The following GRIN2B variants were observed in gnomAD, a reference collection of about 807,000 sequenced individuals.
GRIN2B encodes the protein glutamate ionotropic receptor NMDA type subunit 2B, also known as glutamate receptor ionotropic, NMDA 2B.
GRIN2B carries 5 observed loss-of-function variants against 114.5 expected under a neutral mutation model. The observed-to-expected ratio is 0.04, with a 90% CI of 0.02 to 0.09. GRIN2B has a LOEUF of 0.09. GRIN2B is among the 10% of genes least tolerant of loss of function. The pLI, the probability that GRIN2B is intolerant of heterozygous loss-of-function variation, is 1.00. For missense variants in GRIN2B, 1,108 were observed against 1,943.5 expected (o/e 0.57, Z 8.08); for synonymous variants, 787 against 745.1 (o/e 1.06, Z -0.92).
intron 2 of GRIN2B, among the ~76,000 whole-genome samples, chr12:13,949,716 G>A (rs573033796): frequency 6.6e-6 from 1 of 152,266 alleles, no homozygotes; most frequent in Non-Finnish European, 1.5e-5. Flanking sequence ...AAACCACGAT[G>A]CCAAGAAGTT....
intron 2 of GRIN2B, among the ~76,000 whole-genome samples, chr12:13,941,851 G>A (rs541698509): frequency 2.6e-5 from 4 of 152,338 alleles, no homozygotes; most frequent in African/African-American, 9.6e-5. Flanking sequence ...GAATGAAAAT[G>A]AGGCCCAACT....
chr12:13,809,944 A>G (rs560734158), intron 3 of GRIN2B, among the ~76,000 whole-genome samples: 12 of 152,180 alleles, frequency 7.9e-5, no homozygotes, highest in African/African-American at 2.4e-4. Context: ...CTCTCTCCCC[A>G]GTCTTTCTGC....
chr12:13,960,780 C>T (rs189103245), intron 2 of GRIN2B, among the ~76,000 whole-genome samples: 11 of 152,182 alleles, frequency 7.2e-5, no homozygotes, highest in Non-Finnish European at 1.0e-4. Context: ...AATGAAGAGA[C>T]GGATTGGGTC....
intron 5 of GRIN2B, among the ~76,000 whole-genome samples, chr12:13,669,117 T>C (rs765561049): frequency 2.0e-5 from 3 of 151,992 alleles, no homozygotes; most frequent in Admixed American, 6.6e-5. Context: ...ATATACAATT[T>C]TGAGGACTTT....
intron 5 of GRIN2B, among the ~76,000 whole-genome samples, chr12:13,637,181 T>C (rs1949673743): frequency 6.6e-6 from 1 of 152,188 alleles, no homozygotes; most frequent in African/African-American, 2.4e-5. Context: ...CTTGTACTCA[T>C]TGGCCAAATT....
chr12:13,949,305 G>A (rs563301785), intron 2 of GRIN2B, among the ~76,000 whole-genome samples: 4 of 152,252 alleles, frequency 2.6e-5, no homozygotes, highest in African/African-American at 9.6e-5. Context: ...CTACAGAGAC[G>A]TCTCAAACAG....
chr12:13,926,414 C>G (rs1866911656), intron 2 of GRIN2B, among the ~76,000 whole-genome samples: 1 of 152,100 alleles, frequency 6.6e-6, no homozygotes, highest in Non-Finnish European at 1.5e-5. Context: ...TGCTTTCCTC[C>G]CGGGAGCAGA....
chr12:13,765,271 T>C (rs1863760541), intron 3 of GRIN2B, among the ~76,000 whole-genome samples: 2 of 152,334 alleles, frequency 1.3e-5, no homozygotes, highest in South Asian at 4.1e-4. Flanking sequence ...CAGCTCATAG[T>C]AGGACCACAA....
At chr12:13,694,145 C>T (rs1175537276) in intron 4 of GRIN2B, among the ~76,000 whole-genome samples, 1 of 152,154 alleles carries the variant, frequency 6.6e-6, no homozygotes, top group African/African-American at 2.4e-5. Flanking sequence ...TACTTCCCTA[C>T]ATCATAGCCT....
At chr12:13,978,634 T>C (rs1565607610) in intron 2 of GRIN2B, among the ~76,000 whole-genome samples, 1 of 152,214 alleles carries the variant, frequency 6.6e-6, no homozygotes, top group African/African-American at 2.4e-5. Flanking sequence ...GTAATACTTT[T>C]AGGAAAAATA....
chr12:13,751,177 G>A lies in GRIN2B; in HGVS notation c.1010+2140C>T, dbSNP rs567146099. Among the ~76,000 whole-genome samples the A allele has an allele frequency of 1.2e-4, 18 of 152,246 alleles. 1 individual carries two copies. The highest frequency in any genetic ancestry group is 6.2e-4 in the South Asian group (3 of 4,824). On this transcript the variant is annotated intron_variant, in intron 4 of 13. Coordinates refer to ENST00000609686, the MANE Select transcript of GRIN2B (RefSeq NM_000834.5). ...AAGCTCAGTGTTGCAGGAAGGTAGC[G>A]TGCAAGGCAGAGAAAAGCATGAGAG... is the stretch of plus-strand genomic sequence containing the variant.
chr12:13,845,844 T>C (rs1018072084), intron 3 of GRIN2B, among the ~76,000 whole-genome samples: 3 of 152,192 alleles, frequency 2.0e-5, no homozygotes, highest in African/African-American at 7.2e-5. Flanking sequence ...TTGCAACCTT[T>C]TATGTGCCAA....
intron 2 of GRIN2B, among the ~76,000 whole-genome samples, chr12:13,940,468 A>G (rs11055692): frequency 0.098 from 14,970 of 152,096 alleles, 1,473 homozygotes; most frequent in East Asian, 0.42. Flanking sequence ...ACACACGTAC[A>G]CATGCAAACA....
chr12:13,660,068 C>A (rs1293776967), intron 5 of GRIN2B, among the ~76,000 whole-genome samples: 1 of 152,112 alleles, frequency 6.6e-6, no homozygotes, highest in Non-Finnish European at 1.5e-5. Context: ...TTGCTCACAG[C>A]GAGGTGGCTG....
Position 13,547,866 on chromosome 12 carries a change from C to T in GRIN2B, c.*14917G>A, listed in dbSNP as rs768784242. 1 of 151,304 alleles carries T rather than the reference C, an allele frequency of 6.6e-6. No homozygotes were observed. The highest frequency in any genetic ancestry group is 2.4e-5 in the African/African-American group (1 of 41,146). 9.4% of individuals were successfully genotyped at this position (151,304 alleles called of 1,614,324 possible). Reference sequence around the variant, plus strand: ...GAAACTCTGAGATAAGAATTCCTTGCCCATCTTCTAACTTCCACCCAGATA... The same window carrying T: ...GAAACTCTGAGATAAGAATTCCTTGTCCATCTTCTAACTTCCACCCAGATA... On this transcript the variant is annotated 3_prime_UTR_variant, in exon 14 of 14. Transcript: ENST00000609686.
At chr12:13,671,548 C>T (rs531102956) in intron 5 of GRIN2B, among the ~76,000 whole-genome samples, 1 of 152,162 alleles carries the variant, frequency 6.6e-6, no homozygotes, top group African/African-American at 2.4e-5. Context: ...TTGTTAAAAG[C>T]TGGTCACACA....
intron 3 of GRIN2B, among the ~76,000 whole-genome samples, chr12:13,774,749 A>G (rs535392512): frequency 7.6e-4 from 116 of 152,318 alleles, no homozygotes; most frequent in African/African-American, 2.5e-3. Context: ...TTTCCTGAGC[A>G]CTTACCATAT....
At chr12:13,576,767 G>T (rs1221677944) in intron 10 of GRIN2B, among the ~76,000 whole-genome samples, 1 of 152,120 alleles carries the variant, frequency 6.6e-6, no homozygotes, top group Non-Finnish European at 1.5e-5. Flanking sequence ...TGGCCAGGCT[G>T]GTTTCTAATT....
chr12:13,615,684 A>AAAAC lies in GRIN2B; in HGVS notation c.1329-24_1329-21dup. ...TTATTCCTAGCCAATTAAAGAAACA[A>AAAAC]AAACAAACAAACAAAAAAGTCTTTG... On this transcript the variant is annotated intron_variant, in intron 6 of 13. Coordinates refer to ENST00000609686, the MANE Select transcript of GRIN2B (RefSeq NM_000834.5). This position sits in a 1 kb window ranked among gnomAD's most constrained non-coding sequence, Gnocchi z 5.8. The AAAAC allele has an allele frequency of 1.2e-6, 2 of 1,608,098 alleles. No individual in the cohort carries two copies. The highest frequency in any genetic ancestry group is 2.2e-5 in the South Asian group (2 of 91,000).
Sources: gnomAD v4.1 joint callset for allele counts (sites outside exome capture counted in the v4.1 genomes callset) on GRCh38, gnomAD v4.1.1 for gene constraint, Gnocchi (gnomAD v3.1) non-coding constraint, MANE v1.5 for transcripts, NCBI Gene and HGNC (gene_info 2026-07-23, HGNC 2026-07-21) for gene names.